Variants in FCHO2 observed in about 807,000 individuals in gnomAD.
FCHO2 encodes the protein FCH and mu domain containing endocytic adaptor 2.
Under a neutral mutation model 114.1 loss-of-function variants are expected in FCHO2, and 43 were observed. That is an observed-to-expected ratio of 0.38 (90% CI 0.30 to 0.49). The LOEUF (loss-of-function observed/expected upper bound fraction) is 0.49. Among genes scored for constraint, FCHO2 ranks in the 20% least tolerant of loss-of-function variants. The pLI, the probability that FCHO2 is intolerant of heterozygous loss-of-function variation, is 0.97. For missense variants in FCHO2, 807 were observed against 950.4 expected, an observed-to-expected ratio of 0.85 and a Z score of 1.98; for synonymous variants, 293 against 315.2, an observed-to-expected ratio of 0.93 and a Z score of 0.75.
intron 13 of FCHO2, 57 bp downstream of exon 13, chr5:73,052,564 C>A: frequency 7.3e-7 from 1 of 1,368,266 alleles, no homozygotes; most frequent in Non-Finnish European, 9.9e-7. Flanking sequence ...TCTTACCTAC[C>A]TGTGTCTGGT....
In FCHO2 at chr5:72,989,786, T is replaced by A. The variant is rs183638705; in HGVS notation, c.200+285T>A. On this transcript the variant is annotated intron_variant, in intron 3 of 25. Transcript: ENST00000430046. Reference sequence around the variant, plus strand: ...TGTTATCTTATGCACATGCAATGTATTTATTCTAGTTGTCTGTAAGTTCCT... The same window carrying A: ...TGTTATCTTATGCACATGCAATGTAATTATTCTAGTTGTCTGTAAGTTCCT... 1.9e-3 allele frequency among the ~76,000 whole-genome samples: 283 copies of A among 152,276 alleles called. 1 individual carries two copies. The highest frequency in any genetic ancestry group is 3.5e-3 in the Middle Eastern group (1 of 288).
intron 8 of FCHO2, 86 bp downstream of exon 8, chr5:73,017,394 G>A (rs1755362870): frequency 2.6e-6 from 2 of 765,510 alleles, no homozygotes; most frequent in Non-Finnish European, 1.9e-6. Flanking sequence ...TGTGGGTAAG[G>A]GGTAATTTTA....
At chr5:73,056,255 C>G in intron 16 of FCHO2, 148 bp downstream of exon 16, 1 of 625,724 alleles carries the variant, frequency 1.6e-6, no homozygotes, top group Non-Finnish European at 2.8e-6. Flanking sequence ...CAGTCAAATT[C>G]TCTCACCAGA....
intron 9 of FCHO2, among the ~76,000 whole-genome samples, chr5:73,035,405 T>C (rs1756448279): frequency 6.6e-6 from 1 of 151,846 alleles, no homozygotes; most frequent in African/African-American, 2.4e-5. Context: ...GGCGACAGAG[T>C]GAGACCCTGT....
In FCHO2 at chr5:73,040,012, G is replaced by A. The variant is rs527692915; in HGVS notation, c.915-1279G>A. On this transcript the variant is annotated intron_variant, in intron 10 of 25. Transcript: ENST00000430046. The stretch of plus-strand genomic sequence containing the variant: ...ATTTACCCTGTCTCTTTGGTACTTC[G>A]TTTTGGATTAAGAGCAATGTAGTCA... 3.9e-4 allele frequency among the ~76,000 whole-genome samples: 58 copies of A among 150,360 alleles called. 1 individual carries two copies. Among genetic ancestry groups the A allele is most frequent in the African/African-American group, 1.1e-3 (44 of 41,132 alleles).
chr5:73,023,150 A>T (rs566442561), intron 8 of FCHO2, among the ~76,000 whole-genome samples: 1 of 152,306 alleles, frequency 6.6e-6, no homozygotes, highest in South Asian at 2.1e-4. Flanking sequence ...AACAGACAAA[A>T]ATTACTACTG....
At chr5:73,055,018 G>A (rs1757524737) in intron 15 of FCHO2, 2 of 309,864 alleles carry the variant, frequency 6.5e-6, no homozygotes, top group Non-Finnish European at 1.3e-5. Context: ...AAGGGTTGTG[G>A]GAAAAACAGT....
chr5:73,023,385 T>C (rs1755735233), intron 8 of FCHO2, among the ~76,000 whole-genome samples: 1 of 152,186 alleles, frequency 6.6e-6, no homozygotes, highest in Non-Finnish European at 1.5e-5. Flanking sequence ...TGGAGTTTTA[T>C]TGCATAAGGG....
intron 8 of FCHO2, among the ~76,000 whole-genome samples, chr5:73,033,142 A>G (rs1207003095): frequency 1.3e-5 from 2 of 152,156 alleles, no homozygotes; most frequent in Non-Finnish European, 2.9e-5. Flanking sequence ...GGGTTTGAAT[A>G]AAGTCCTTAA....
intron 5 of FCHO2, among the ~76,000 whole-genome samples, chr5:72,996,283 T>A (rs1267127082): frequency 1.3e-5 from 2 of 149,752 alleles, no homozygotes; most frequent in Non-Finnish European, 3.0e-5. Context: ...TTTCATATAA[T>A]GGGATACAAT....
chr5:73,043,605 A>T (rs1229756318), intron 11 of FCHO2, among the ~76,000 whole-genome samples: 1 of 152,190 alleles, frequency 6.6e-6, no homozygotes, highest in East Asian at 1.9e-4. Context: ...CATCCATCAA[A>T]ATGGGAACTG....
rs749805967 is a variant in FCHO2, at chr5:73,078,323, C to T, written c.1980+11C>T. 1.6e-5 allele frequency: 26 copies of T among 1,577,558 alleles called. No individual in the cohort carries two copies. The highest frequency in any genetic ancestry group is 1.6e-4 in the African/African-American group (12 of 72,846). ...GTATTAAAGTATCAGGTGAGTGTCA[C>T]GACATTGCAAAAATTCTAAATTAAA... On this transcript the variant is annotated intron_variant, in intron 22 of 25. Coordinates refer to ENST00000430046, the MANE Select transcript of FCHO2 (RefSeq NM_138782.3).
rs142258228 is a variant in FCHO2 at position 73,058,502 on chromosome 5, T to C, written c.1323T>C (p.Ser441=). 2,289 of 1,469,584 alleles carry C rather than the reference T, an allele frequency of 1.6e-3. 42 individuals carry two copies. The East Asian group carries it at 0.042, about 27-fold the overall frequency. 91.0% of individuals were successfully genotyped at this position (1,469,584 alleles called of 1,614,324 possible). ...FGPSLDSSSS[S]SLTSSSSARP... is the part of the protein sequence containing the mutation. ...CATCTCTTGATTCATCTTCTTCATC[T>C]TCACTAACTTCATCATCATCAGGTA... is the stretch of plus-strand genomic sequence containing the variant. The change falls in exon 17 of 26, where the codon TCT becomes TCC. Residue 441 remains serine (S), a synonymous_variant. Coordinates refer to ENST00000430046, the MANE Select transcript of FCHO2 (RefSeq NM_138782.3).
chr5:73,037,205 G>T lies in FCHO2; in HGVS notation c.904G>T (p.Ala302Ser), dbSNP rs1273745071. 1.9e-6 allele frequency: 3 copies of T among 1,598,292 alleles called. No individual in the cohort carries two copies. The highest frequency in any genetic ancestry group is 2.6e-6 in the Non-Finnish European group (3 of 1,172,640). Residue 302 changes from alanine to serine, a missense_variant, in exon 10 of 26, where the codon GCA becomes TCA. Transcript: ENST00000430046. ...LPGIIKKEKD[A>S]ESVECPDADS... ...AGGAATCATTAAAAAGGAAAAAGAT[G>T]CAGAATCTGTGTAAGTATTTTAAAT... is the stretch of plus-strand genomic sequence containing the variant.
chr5:73,000,938 T>C (rs990912425), intron 5 of FCHO2, among the ~76,000 whole-genome samples: 12 of 151,026 alleles, frequency 7.9e-5, no homozygotes, highest in Non-Finnish European at 1.5e-4. Context: ...ACTATAAAGA[T>C]TGTCACTTTT....
chr5:73,054,085 G>T, intron 13 of FCHO2, 75 bp from the exon 14 acceptor site: 1 of 1,141,564 alleles, frequency 8.8e-7, no homozygotes, highest in South Asian at 1.7e-5. Flanking sequence ...AATAGGGAAT[G>T]ATAAATTATT....
intron 8 of FCHO2, among the ~76,000 whole-genome samples, chr5:73,034,077 T>C (rs1205158952): frequency 6.6e-6 from 1 of 152,204 alleles, no homozygotes; most frequent in Non-Finnish European, 1.5e-5. Flanking sequence ...GTTAGAGAGA[T>C]CTGGATTATA....
In FCHO2 at chr5:73,021,044, G is replaced by A. The variant is rs561171902; in HGVS notation, c.796+3736G>A. The A allele has an allele frequency of 6.4e-6, 7 of 1,098,968 alleles. No individual in the cohort carries two copies. In the East Asian group the frequency reaches 9.4e-5, roughly 15 times the overall value. 68.1% of individuals were successfully genotyped at this position (1,098,968 alleles called of 1,614,324 possible). On this transcript the variant is annotated intron_variant, in intron 8 of 25. Coordinates refer to ENST00000430046, the MANE Select transcript of FCHO2 (RefSeq NM_138782.3). ...TGAGCCAAAGTTCACATGAATCCAT[G>A]GAAGTTTACCTGGTCCTCTCCCTCT...
intron 1 of FCHO2, among the ~76,000 whole-genome samples, chr5:72,957,826 C>T (rs898988133): frequency 1.3e-5 from 2 of 152,212 alleles, no homozygotes; most frequent in African/African-American, 4.8e-5. Context: ...TCTCCACATG[C>T]TCACGAACAC....
Sources: allele counts gnomAD v4.1 joint callset (sites outside exome capture counted in the v4.1 genomes callset), GRCh38; gene constraint gnomAD v4.1.1; transcripts MANE v1.5; gene names NCBI Gene and HGNC (gene_info 2026-07-23, HGNC 2026-07-21).